Variants in MEI1 observed in about 807,000 individuals in gnomAD.
The protein encoded by MEI1 is meiotic double-stranded break formation protein 1.
In MEI1, 103 loss-of-function variants were observed where a neutral mutation model predicts 146.2. The ratio of observed to expected loss-of-function variants is 0.70; its 90% confidence interval spans 0.60 to 0.83. MEI1 has a LOEUF of 0.83. Among genes scored for constraint, MEI1 ranks in the 40% least tolerant of loss-of-function variants. MEI1 has a pLI of 0.00. For synonymous variants in MEI1, 652 were observed against 628.2 expected (o/e 1.04, Z -0.57); for missense variants, 1,529 against 1,533.0 (o/e 1.00, Z 0.04).
At chr22:41,782,703 G>T (rs1013301291) in intron 24 of MEI1, among the ~76,000 whole-genome samples, 5 of 152,390 alleles carry the variant, frequency 3.3e-5, no homozygotes, top group South Asian at 2.1e-4. Flanking sequence ...CCTGCAGGTT[G>T]TTGCCTGTGG....
intron 7 of MEI1, among the ~76,000 whole-genome samples, chr22:41,727,948 C>G (rs541916465): frequency 6.6e-6 from 1 of 152,274 alleles, no homozygotes; most frequent in East Asian, 1.9e-4. Flanking sequence ...AAATTCCAGA[C>G]TCCCAGAAGG....
chr22:41,706,108 T>C (rs1216125286), intron 3 of MEI1, among the ~76,000 whole-genome samples: 2 of 152,116 alleles, frequency 1.3e-5, no homozygotes, highest in Non-Finnish European at 2.9e-5. Flanking sequence ...AGCCTTGAAC[T>C]CCTGGGTTCA....
At chr22:41,797,276 C>T (rs1569343922) in intron 30 of MEI1, among the ~76,000 whole-genome samples, 1 of 152,070 alleles carries the variant, frequency 6.6e-6, no homozygotes, top group African/African-American at 2.4e-5. Flanking sequence ...GCATGAGCCA[C>T]TGTGCCTGGC....
chr22:41,709,508 C>A, intron 3 of MEI1: 1 of 601,348 alleles, frequency 1.7e-6, no homozygotes. Flanking sequence ...GCGACGGCAG[C>A]GGGATGTAGG....
intron 1 of MEI1, 22 bp from the exon 2 acceptor site, chr22:41,703,309 G>A (rs2068850526): frequency 6.2e-7 from 1 of 1,608,738 alleles, no homozygotes; most frequent in Admixed American, 1.7e-5. Flanking sequence ...GCTATTGAAT[G>A]TTTTTCTTCA....
rs899081010 is a variant in MEI1, at chr22:41,718,171, G to A, written c.630G>A (p.Val210=). 1 of 1,613,930 alleles carries A rather than the reference G, an allele frequency of 6.2e-7. No individual in the cohort carries two copies. The highest frequency in any genetic ancestry group is 8.5e-7 in the Non-Finnish European group (1 of 1,179,878). Residue 210 remains valine (V), a synonymous_variant, in exon 6 of 31, where the codon GTG becomes GTA. Coordinates refer to ENST00000401548, the MANE Select transcript of MEI1 (RefSeq NM_152513.4). The part of the protein sequence containing the change: ...YLYGKLYSSP[V]AAEMLSGHFR... ...ATGGGAAGCTATACTCCTCACCAGT[G>A]GCAGCTGAGATGCTTTCAGGACACT...
chr22:41,719,375 C>T (rs1004528474), intron 6 of MEI1, among the ~76,000 whole-genome samples: 8 of 152,218 alleles, frequency 5.3e-5, no homozygotes, highest in African/African-American at 1.9e-4. Flanking sequence ...TTAGTGGAAA[C>T]GGGGTTTCAC....
At chr22:41,776,433 G>T (rs2075439961) in intron 21 of MEI1, among the ~76,000 whole-genome samples, 166 bp downstream of exon 21, 1 of 152,264 alleles carries the variant, frequency 6.6e-6, no homozygotes, top group Non-Finnish European at 1.5e-5. Flanking sequence ...TTCTCTCACT[G>T]CAGAGTGGGC....
chr22:41,763,324 A>T lies in MEI1; in HGVS notation c.2268+3A>T. On this transcript the variant is annotated splice_donor_region_variant and intron_variant, in intron 19 of 30. Transcript: ENST00000401548. Reference sequence around the variant, plus strand: ...ACAAAGACAATACACTACGTGAGGTATGGACCACAATGCCTGGGCTCCTTG... The same window carrying T: ...ACAAAGACAATACACTACGTGAGGTTTGGACCACAATGCCTGGGCTCCTTG... 2 of 1,613,464 alleles carry T rather than the reference A, an allele frequency of 1.2e-6. No homozygotes were observed.
intron 2 of MEI1, among the ~76,000 whole-genome samples, chr22:41,704,757 C>T (rs936451145): frequency 6.6e-6 from 1 of 152,036 alleles, no homozygotes; most frequent in Admixed American, 6.6e-5. Flanking sequence ...CTCTGTCACC[C>T]AGACTGGAGT....
At chr22:41,782,532 T>C (rs189078860) in intron 24 of MEI1, among the ~76,000 whole-genome samples, 1 of 152,316 alleles carries the variant, frequency 6.6e-6, no homozygotes, top group East Asian at 1.9e-4. Flanking sequence ...AGCTCCTCTG[T>C]GGGCTACTTC....
In MEI1 at chr22:41,791,528, G is replaced by C. The variant is rs1349083626; in HGVS notation, c.3346-2301G>C. Among the ~76,000 whole-genome samples the C allele has an allele frequency of 2.0e-5, 3 of 152,290 alleles. No individual in the cohort carries two copies. In the East Asian group the frequency reaches 5.8e-4, roughly 29 times the overall value. On this transcript the variant is annotated intron_variant, in intron 26 of 30. Coordinates refer to ENST00000401548, the MANE Select transcript of MEI1 (RefSeq NM_152513.4). ...GTTCCCTCTCAGCCACAGTGGGAAA[G>C]ATGGGGGCAAGGAGAGTGCCTGGAG...
intron 18 of MEI1, among the ~76,000 whole-genome samples, chr22:41,761,557 G>A (rs893745478): frequency 1.3e-5 from 2 of 151,878 alleles, no homozygotes; most frequent in Non-Finnish European, 2.9e-5. Flanking sequence ...CTCGTGATCT[G>A]CCCGCCTCGG....
At chr22:41,708,726 A>G (rs1486388134) in intron 3 of MEI1, among the ~76,000 whole-genome samples, 2 of 152,214 alleles carry the variant, frequency 1.3e-5, no homozygotes, top group African/African-American at 2.4e-5. Flanking sequence ...GAAGATCCAC[A>G]ATCTAAAAAT....
chr22:41,721,828 C>G (rs758913764), intron 6 of MEI1, among the ~76,000 whole-genome samples: 6 of 137,442 alleles, frequency 4.4e-5, no homozygotes, highest in Non-Finnish European at 7.6e-5. Flanking sequence ...TCAAGTGATT[C>G]TCCTGCCACA....
At chr22:41,797,684 T>C (rs535374645) in intron 30 of MEI1, among the ~76,000 whole-genome samples, 30 of 152,318 alleles carry the variant, frequency 2.0e-4, no homozygotes, top group African/African-American at 7.0e-4. Flanking sequence ...GTGTTTAGAC[T>C]TGGGTCCCAT....
chr22:41,709,500 G>A lies in MEI1; in HGVS notation c.349+3946G>A, dbSNP rs1405943480. 15 of 612,658 alleles carry A rather than the reference G, an allele frequency of 2.4e-5. No homozygotes were observed. In the East Asian group the frequency reaches 4.8e-4, roughly 20 times the overall value. The allele number at this position is 612,658 out of a possible 1,614,324, so 38.0% of individuals were successfully genotyped here. The stretch of plus-strand genomic sequence containing the variant: ...TTGTCTTGGGCATGGTGGCAGCAGC[G>A]ACGGCAGCGGGATGTAGGTGCTGTG... On this transcript the variant is annotated intron_variant, in intron 3 of 30. Transcript: ENST00000401548.
At chr22:41,786,982 G>A (rs553162048) in intron 26 of MEI1, among the ~76,000 whole-genome samples, 1 of 152,330 alleles carries the variant, frequency 6.6e-6, no homozygotes, top group Non-Finnish European at 1.5e-5. Context: ...CTGAGTTAGC[G>A]GTTGTTGAGT....
At chr22:41,724,873 G>A (rs535114503) in intron 7 of MEI1, among the ~76,000 whole-genome samples, 17 of 151,634 alleles carry the variant, frequency 1.1e-4, no homozygotes, top group Admixed American at 3.3e-4. Context: ...GCACAATCAC[G>A]GCTCACTGCA....
Sources: allele counts gnomAD v4.1 joint callset (sites outside exome capture counted in the v4.1 genomes callset), GRCh38; gene constraint gnomAD v4.1.1; transcripts MANE v1.5; gene names NCBI Gene and HGNC (gene_info 2026-07-23, HGNC 2026-07-21).